LRP1B: variants seen among roughly 807,000 people sequenced by gnomAD.
The protein encoded by LRP1B is low-density lipoprotein receptor-related protein 1B.
A neutral mutation model predicts 556.6 loss-of-function variants in LRP1B; 217 were observed. The observed-to-expected ratio is 0.39, with a 90% CI of 0.35 to 0.44. The LOEUF (loss-of-function observed/expected upper bound fraction) is 0.44, where lower values mean the gene tolerates loss of function less well. Among genes scored for constraint, LRP1B ranks in the 20% least tolerant of loss-of-function variants. LRP1B has a pLI of 1.00. For synonymous variants in LRP1B, 2,047 were observed against 1,865.8 expected (o/e 1.10, Z -2.50); for missense variants, 5,053 against 5,620.8 (o/e 0.90, Z 3.23).
chr2:140,634,609 G>T (rs139242484), intron 41 of LRP1B, among the ~76,000 whole-genome samples: 2 of 152,106 alleles, frequency 1.3e-5, no homozygotes, highest in Admixed American at 6.5e-5. Context: ...AATCAAGGAC[G>T]ATATTAATAC....
intron 7 of LRP1B, among the ~76,000 whole-genome samples, chr2:141,135,164 A>G (rs1249363954): frequency 6.6e-6 from 1 of 151,890 alleles, no homozygotes; most frequent in Non-Finnish European, 1.5e-5. Context: ...ACAAATAATT[A>G]AATACTTTTA....
At chr2:140,743,709 C>T (rs1012920711) in intron 35 of LRP1B, among the ~76,000 whole-genome samples, 1 of 152,012 alleles carries the variant, frequency 6.6e-6, no homozygotes, top group African/African-American at 2.4e-5. Flanking sequence ...CCTGTAATCT[C>T]AGCACTTTGA....
In LRP1B at chr2:140,598,831, T is replaced by A; in HGVS notation, c.6994A>T (p.Met2332Leu). The change falls in exon 43 of 91, where the codon ATG (methionine) becomes TTG (leucine). Residue 2332 changes from methionine to leucine, a missense_variant. Physicochemically the swap from Met to Leu is conservative, Grantham distance 15. Coordinates refer to ENST00000389484, the MANE Select transcript of LRP1B (RefSeq NM_018557.3). ...VLALDECQNL[M>L]FWTNWNEQHP... is the part of the protein sequence containing the mutation. ...TGTTCATTCCAGTTGGTCCAAAACA[T>A]TAAACTAATTAAAATGAAAATTGTA... The A allele has an allele frequency of 2.5e-6, 4 of 1,575,678 alleles. No homozygotes were observed. The highest frequency in any genetic ancestry group is 3.5e-6 in the Non-Finnish European group (4 of 1,146,784).
At chr2:140,501,531 CACT>C (rs1212211524) in intron 55 of LRP1B, among the ~76,000 whole-genome samples, 153 bp downstream of exon 55, 2 of 151,946 alleles carry the variant, frequency 1.3e-5, no homozygotes, top group Non-Finnish European at 2.9e-5. Context: ...TTTTATATCA[CACT>C]ACTATTATGG....
Position 140,400,912 on chromosome 2 carries a change from T to C in LRP1B, c.10415-14903A>G, listed in dbSNP as rs1241958762. Among the ~76,000 whole-genome samples, 5 of 152,106 alleles carry C rather than the reference T, an allele frequency of 3.3e-5. No individual in the cohort carries two copies. The South Asian group carries it at 8.3e-4, about 25-fold the overall frequency. ...TTAAACCTCCCAGAGCTGGAACTGATTTAGAGAGTGGTAAAAAAGATAAAA... is the reference window on the plus strand; with the variant it reads ...TTAAACCTCCCAGAGCTGGAACTGACTTAGAGAGTGGTAAAAAAGATAAAA... On this transcript the variant is annotated intron_variant, in intron 66 of 90. Coordinates refer to ENST00000389484, the MANE Select transcript of LRP1B (RefSeq NM_018557.3).
rs2105258970 is a variant in LRP1B at position 140,923,141 on chromosome 2, T to C, written c.3143A>G (p.His1048Arg). Residue 1048 changes from histidine (H) to arginine (R), a missense_variant, in exon 21 of 91, where the codon CAT becomes CGT. Around this residue, in one of 5 missense-constraint regions of LRP1B, gnomAD observed 3,619 missense variants for 3,931.9 expected, o/e 0.92. Coordinates refer to ENST00000389484, the MANE Select transcript of LRP1B (RefSeq NM_018557.3). ...ATTTCCGTTACAACCAGCAGGAGAA[T>C]GAATCTCTTAATTTGAAATGAGGAA... The part of the protein sequence containing the change: ...AQINCTKEEI[H>R]SPAGCNGNEF... 6.2e-7 allele frequency: 1 copy of C among 1,611,252 alleles called. No homozygotes were observed. Among genetic ancestry groups the C allele is most frequent in the Non-Finnish European group, 8.5e-7 (1 of 1,178,394 alleles).
intron 3 of LRP1B, among the ~76,000 whole-genome samples, chr2:141,454,928 T>C (rs1281768565): frequency 1.3e-5 from 2 of 152,188 alleles, no homozygotes; most frequent in Admixed American, 6.5e-5. Flanking sequence ...CTGGCATCTC[T>C]TTTATATACA....
chr2:141,188,294 T>A, intron 7 of LRP1B, 127 bp downstream of exon 7: 1 of 899,004 alleles, frequency 1.1e-6, no homozygotes, highest in African/African-American at 1.7e-5. Flanking sequence ...GACACAGTTG[T>A]TAAAATCAAC....
At chr2:141,250,135 T>C (rs1193204812) in intron 4 of LRP1B, among the ~76,000 whole-genome samples, 1 of 152,226 alleles carries the variant, frequency 6.6e-6, no homozygotes, top group Non-Finnish European at 1.5e-5. Flanking sequence ...TTGGCCTTTG[T>C]TCACAGTGCT....
intron 2 of LRP1B, among the ~76,000 whole-genome samples, chr2:141,724,615 A>G (rs928685431): frequency 1.3e-5 from 2 of 151,924 alleles, no homozygotes; most frequent in Non-Finnish European, 2.9e-5. Context: ...TAAGACTAAT[A>G]ACATAAGGCT....
chr2:140,721,757 C>T (rs930483961), intron 35 of LRP1B, among the ~76,000 whole-genome samples: 2 of 150,044 alleles, frequency 1.3e-5, no homozygotes, highest in African/African-American at 4.9e-5. Flanking sequence ...CGAGGTAGCA[C>T]CATGTTAGCC....
At chr2:141,805,591 C>T (rs988959714) in intron 2 of LRP1B, 1 of 152,092 alleles carries the variant, frequency 6.6e-6, no homozygotes, top group Non-Finnish European at 1.5e-5. Flanking sequence ...GAGCACAGAC[C>T]TGCCTCAACT....
chr2:142,081,564 G>A (rs1222963996), intron 1 of LRP1B, among the ~76,000 whole-genome samples: 1 of 152,302 alleles, frequency 6.6e-6, no homozygotes, highest in Admixed American at 6.5e-5. Context: ...ACCCTGAGAA[G>A]GAGAATTGGG....
chr2:140,578,937 G>A (rs928687846), intron 43 of LRP1B, among the ~76,000 whole-genome samples: 3 of 152,052 alleles, frequency 2.0e-5, no homozygotes, highest in South Asian at 4.1e-4. Context: ...AGAGAGAAAG[G>A]AGGTAAATTT....
At chr2:141,622,261 T>A (rs968095277) in intron 2 of LRP1B, among the ~76,000 whole-genome samples, 1 of 152,200 alleles carries the variant, frequency 6.6e-6, no homozygotes, top group Non-Finnish European at 1.5e-5. Context: ...TTCTAAATTT[T>A]AAAAAATGAG....
intron 7 of LRP1B, among the ~76,000 whole-genome samples, chr2:141,160,846 CTA>C (rs61683642): frequency 0.67 from 100,754 of 149,428 alleles, 34,290 homozygotes; most frequent in Middle Eastern, 0.82. Context: ...CAAAATTAAT[CTA>C]TATATATATA....
chr2:140,285,063 T>C (rs1286601813), intron 84 of LRP1B, among the ~76,000 whole-genome samples: 1 of 150,088 alleles, frequency 6.7e-6, no homozygotes, highest in Admixed American at 6.7e-5. Flanking sequence ...TATACCTATC[T>C]ATATATTTAT....
intron 2 of LRP1B, among the ~76,000 whole-genome samples, chr2:141,548,669 T>C (rs955765889): frequency 1.3e-5 from 2 of 152,184 alleles, no homozygotes; most frequent in Non-Finnish European, 2.9e-5. Context: ...TGATTGTTAA[T>C]CCATATTACT....
At chr2:142,037,563 A>C (rs1390322373) in intron 1 of LRP1B, among the ~76,000 whole-genome samples, 1 of 151,658 alleles carries the variant, frequency 6.6e-6, no homozygotes, top group African/African-American at 2.4e-5. Context: ...ATCTGGAAAT[A>C]GCAGGATCCA....
Sources: allele counts gnomAD v4.1 joint callset (sites outside exome capture counted in the v4.1 genomes callset), GRCh38; gene constraint gnomAD v4.1.1; regional missense constraint gnomAD v4.1.1; transcripts MANE v1.5; gene names NCBI Gene and HGNC (gene_info 2026-07-23, HGNC 2026-07-21).